CNOT1: variants seen among roughly 807,000 people sequenced by gnomAD.
CNOT1 encodes CCR4-NOT transcription complex subunit 1, also known as CCR4-associated factor 1.
A neutral mutation model predicts 273.8 loss-of-function variants in CNOT1; 15 were observed. The ratio of observed to expected loss-of-function variants is 0.05; its 90% CI spans 0.04 to 0.08. The LOEUF is 0.08. Ranked by LOEUF, CNOT1 falls within the 10% of genes least tolerant of loss-of-function variation. CNOT1 has a pLI of 1.00. For synonymous variants in CNOT1, 1,022 were observed against 1,005.5 expected, an observed-to-expected ratio of 1.02 and a Z score of -0.31; for missense variants, 1,644 against 2,912.2, an observed-to-expected ratio of 0.56 and a Z score of 10.02.
In CNOT1 at chr16:58,525,421, AGTATTTC is replaced by A. The variant is rs2039550950; in HGVS notation, c.6604-69_6604-63del. On this transcript the variant is annotated intron_variant, in intron 45 of 48. Coordinates refer to ENST00000317147, the MANE Select transcript of CNOT1 (RefSeq NM_016284.5). ...CCTGCAGAGGACCAATTCTAGCACC[AGTATTTC>A]TAAACCCTTCTTACACCTTCATGGA... The A allele has an allele frequency of 2.1e-6, 3 of 1,434,638 alleles. No homozygotes were observed. The African/African-American group carries it at 4.2e-5, about 20-fold the overall frequency. The allele number at this position is 1,434,638 out of a possible 1,614,324, so 88.9% of individuals were successfully genotyped here. A position where few individuals can be genotyped will look rare whatever the true frequency, so the allele number is the denominator to read the frequency against.
intron 1 of CNOT1, among the ~76,000 whole-genome samples, chr16:58,621,927 AAAAAAAAG>A (rs1363438046): frequency 1.4e-5 from 2 of 146,156 alleles, no homozygotes; most frequent in Admixed American, 6.9e-5. Flanking sequence ...AAAAAAAAAA[AAAAAAAAG>A]AAGATACACC....
Position 58,541,631 on chromosome 16 carries a change from G to T in CNOT1, c.4681-11C>A, listed in dbSNP as rs1251817389. 1.2e-6 allele frequency: 2 copies of T among 1,608,376 alleles called. No homozygotes were observed. Among genetic ancestry groups the T allele is most frequent in the Admixed American group, 1.7e-5 (1 of 58,336 alleles). On this transcript the variant is annotated splice_polypyrimidine_tract_variant and intron_variant, in intron 33 of 48. Coordinates refer to ENST00000317147, the MANE Select transcript of CNOT1 (RefSeq NM_016284.5). ...GTCCACACCACCAACCTTGAAAGAA[G>T]AAAACCTATTTTGACAGAATTCACT...
chr16:58,587,269 G>C lies in CNOT1; in HGVS notation c.379-14C>G. On this transcript the variant is annotated splice_polypyrimidine_tract_variant and intron_variant, in intron 5 of 48. Coordinates refer to ENST00000317147, the MANE Select transcript of CNOT1 (RefSeq NM_016284.5). ...GCCAAAAATTACCTGAAACAAGAAGGATTAGATTAACCAAAGAGTCAAATG... is the reference window on the plus strand; with the variant it reads ...GCCAAAAATTACCTGAAACAAGAAGCATTAGATTAACCAAAGAGTCAAATG... 6.2e-7 allele frequency: 1 copy of C among 1,613,798 alleles called. No individual in the cohort carries two copies. The highest frequency in any genetic ancestry group is 8.5e-7 in the Non-Finnish European group (1 of 1,179,920).
intron 38 of CNOT1, among the ~76,000 whole-genome samples, chr16:58,537,525 C>G (rs116923440): frequency 6.6e-6 from 1 of 152,212 alleles, no homozygotes; most frequent in Non-Finnish European, 1.5e-5. Context: ...GCTTTCTTTA[C>G]GTTACTTCTC....
chr16:58,583,250 T>C, intron 8 of CNOT1, 68 bp from the exon 9 acceptor site: 1 of 1,587,332 alleles, frequency 6.3e-7, no homozygotes, highest in Non-Finnish European at 8.6e-7. Context: ...AATTCTGGCA[T>C]TAAATGAACC....
intron 22 of CNOT1, among the ~76,000 whole-genome samples, chr16:58,553,137 T>C (rs946817163): frequency 6.6e-6 from 1 of 152,072 alleles, no homozygotes; most frequent in Non-Finnish European, 1.5e-5. Context: ...CCAGGCATGA[T>C]GGCAGGTGCC....
intron 22 of CNOT1, 74 bp from the exon 23 acceptor site, chr16:58,551,893 A>G: frequency 6.4e-7 from 1 of 1,573,224 alleles, no homozygotes; most frequent in Non-Finnish European, 8.6e-7. Context: ...CTTTTCTGAG[A>G]GGGTAAAAAA....
In CNOT1 at chr16:58,581,471, A is replaced by G. The variant is rs757550517; in HGVS notation, c.1089T>C (p.His363=). Residue 363 remains histidine (H), a synonymous_variant, in exon 11 of 49, where the codon CAT becomes CAC. Coordinates refer to ENST00000317147, the MANE Select transcript of CNOT1 (RefSeq NM_016284.5). ...NFKEVTYELD[H]PGFQIRDSKG... ...TACTGTCACGAATTTGAAATCCAGG[A>G]TGGTCCAGTTCATAAGTTACTTCCT... The G allele has an allele frequency of 3.7e-6, 6 of 1,613,838 alleles. No individual in the cohort carries two copies. In the Admixed American group the frequency reaches 1.0e-4, roughly 27 times the overall value.
chr16:58,586,519 A>G (rs1469426155), intron 7 of CNOT1, 26 bp downstream of exon 7: 1 of 1,602,990 alleles, frequency 6.2e-7, no homozygotes, highest in South Asian at 1.1e-5. Flanking sequence ...AAAACCACCC[A>G]CTGTAGGCTA....
chr16:58,531,900 A>T (rs1221445064), intron 42 of CNOT1, 58 bp downstream of exon 42: 1 of 1,583,950 alleles, frequency 6.3e-7, no homozygotes. Flanking sequence ...AGGCAATGCT[A>T]ATAAATAAGC....
In CNOT1 at chr16:58,523,361, C is replaced by CT. The variant is rs1356546615; in HGVS notation, c.6917+8dup. 1 of 1,563,706 alleles carries CT rather than the reference C, an allele frequency of 6.4e-7. No homozygotes were observed. Among genetic ancestry groups the CT allele is most frequent in the South Asian group, 1.2e-5 (1 of 81,296 alleles). On this transcript the variant is annotated intron_variant, in intron 47 of 48. Transcript: ENST00000317147. The stretch of plus-strand genomic sequence containing the variant: ...TTTGAAGCATTTAAAAAATAAGCTG[C>CT]TCGCTTACCTTGTGATCTGTTCTTG...
At chr16:58,532,585 G>C in intron 40 of CNOT1, 190 bp from the exon 41 acceptor site, 1 of 1,004,840 alleles carries the variant, frequency 1.0e-6, no homozygotes, top group Non-Finnish European at 1.4e-6. Context: ...TCAGTGTTTT[G>C]TGTGTTTCTT....
At chr16:58,531,770 A>G (rs1223821538) in intron 42 of CNOT1, among the ~76,000 whole-genome samples, 188 bp downstream of exon 42, 1 of 152,218 alleles carries the variant, frequency 6.6e-6, no homozygotes, top group Non-Finnish European at 1.5e-5. Context: ...ACACCTAATC[A>G]CTGAGGAATG....
intron 21 of CNOT1, among the ~76,000 whole-genome samples, 157 bp downstream of exon 21, chr16:58,555,094 G>C (rs1006371560): frequency 3.9e-5 from 6 of 152,098 alleles, no homozygotes; most frequent in African/African-American, 1.4e-4. Context: ...TGTGGTCCCA[G>C]CTACTCAGGA....
chr16:58,574,923 T>G, intron 15 of CNOT1, 84 bp downstream of exon 15: 1 of 1,576,678 alleles, frequency 6.3e-7, no homozygotes, highest in Non-Finnish European at 8.6e-7. Context: ...TTATTACTGC[T>G]GCACAAATTT....
intron 39 of CNOT1, 101 bp from the exon 40 acceptor site, chr16:58,534,496 C>T: frequency 7.9e-7 from 1 of 1,265,850 alleles, no homozygotes; most frequent in East Asian, 2.5e-5. Flanking sequence ...TCATTTGTTC[C>T]TACTGTCATA....
chr16:58,593,386 CT>C, intron 2 of CNOT1, among the ~76,000 whole-genome samples: 1 of 152,174 alleles, frequency 6.6e-6, no homozygotes, highest in South Asian at 2.1e-4. Flanking sequence ...ATGGAGAAAC[CT>C]CGTCTCTACT....
At position 58,526,147 on chromosome 16, in the gene CNOT1, G is replaced by C. The variant is rs191805094; in HGVS notation, c.6454-9C>G. 5.6e-5 allele frequency: 90 copies of C among 1,613,512 alleles called. No individual in the cohort carries two copies. In the African/African-American group the frequency reaches 1.1e-3, roughly 20 times the overall value. ...TCACTCAACATGTCCACCTGCCACAGATAAAATGCAAGAATCACAAGCAGA... is the reference window on the plus strand; with the variant it reads ...TCACTCAACATGTCCACCTGCCACACATAAAATGCAAGAATCACAAGCAGA... On this transcript the variant is annotated splice_polypyrimidine_tract_variant and intron_variant, in intron 44 of 48. Coordinates refer to ENST00000317147, the MANE Select transcript of CNOT1 (RefSeq NM_016284.5).
chr16:58,561,539 A>T (rs1157045903), intron 16 of CNOT1, among the ~76,000 whole-genome samples: 1 of 152,172 alleles, frequency 6.6e-6, no homozygotes, highest in Non-Finnish European at 1.5e-5. Context: ...TGACCTCTAA[A>T]ACAAATGTCA....
Sources: allele counts gnomAD v4.1 joint callset (sites outside exome capture counted in the v4.1 genomes callset), GRCh38; gene constraint gnomAD v4.1.1; transcripts MANE v1.5; gene names NCBI Gene and HGNC (gene_info 2026-07-23, HGNC 2026-07-21).